The following ARHGDIB variants were observed in gnomAD, a reference collection of about 807,000 sequenced individuals.
ARHGDIB encodes the protein Rho GDP dissociation inhibitor beta.
Under a neutral mutation model 22.6 loss-of-function variants are expected in ARHGDIB, and 20 were observed. The ratio of observed to expected loss-of-function variants is 0.88; its 90% confidence interval spans 0.62 to 1.28. ARHGDIB has a LOEUF of 1.28. ARHGDIB is among the 50% of genes most tolerant of loss of function. The pLI, the probability that ARHGDIB is intolerant of heterozygous loss-of-function variation, is 0.00. For synonymous variants in ARHGDIB, 114 were observed against 96.1 expected, an observed-to-expected ratio of 1.19 and a Z score of -1.09; for missense variants, 254 against 245.4, an observed-to-expected ratio of 1.04 and a Z score of -0.23.
intron 1 of ARHGDIB, 85 bp from the exon 2 acceptor site, chr12:14,950,809 C>T: frequency 9.3e-7 from 1 of 1,073,374 alleles, no homozygotes; most frequent in Non-Finnish European, 1.3e-6. Context: ...GCCTCCTTAC[C>T]CTCATGGACT....
intron 1 of ARHGDIB, among the ~76,000 whole-genome samples, chr12:14,959,553 A>G (rs889168909): frequency 6.6e-6 from 1 of 152,138 alleles, no homozygotes; most frequent in Non-Finnish European, 1.5e-5. Flanking sequence ...CTCCTTTTCT[A>G]TCTGCATAAT....
chr12:14,944,782 C>T lies in ARHGDIB; in HGVS notation c.400G>A (p.Val134Met). The part of the protein sequence containing the change: ...KYVQHTYRTG[V>M]KVDKATFMVG... ...GAAATGTGGGTTCCCTTACCTTTCA[C>T]CCCAGTCCTGTAGGTGTGCTGAACG... The change falls in exon 5 of 6, where the codon GTG becomes ATG. Residue 134 changes from valine to methionine, a missense_variant. Val to Met is a conservative substitution (Grantham distance 21, BLOSUM62 1). Transcript: ENST00000228945. 6.2e-7 allele frequency: 1 copy of T among 1,613,148 alleles called. No individual in the cohort carries two copies.
At chr12:14,951,449 C>G (rs1375377511) in intron 1 of ARHGDIB, among the ~76,000 whole-genome samples, 1 of 152,190 alleles carries the variant, frequency 6.6e-6, no homozygotes. Context: ...GGTTTTATAT[C>G]TAAAGATATT....
chr12:14,952,602 C>A (rs58231089), intron 1 of ARHGDIB, among the ~76,000 whole-genome samples: 1 of 152,096 alleles, frequency 6.6e-6, no homozygotes, highest in Non-Finnish European at 1.5e-5. Flanking sequence ...AAGGAGGCAG[C>A]GTGTAGATGT....
At chr12:14,956,780 A>G (rs962106131) in intron 1 of ARHGDIB, among the ~76,000 whole-genome samples, 1 of 152,224 alleles carries the variant, frequency 6.6e-6, no homozygotes, top group Non-Finnish European at 1.5e-5. Flanking sequence ...TTTGCTACTC[A>G]GCAAAGCACT....
At chr12:14,957,281 T>C (rs144739298) in intron 1 of ARHGDIB, among the ~76,000 whole-genome samples, 18 of 152,318 alleles carry the variant, frequency 1.2e-4, no homozygotes, top group African/African-American at 3.8e-4. Flanking sequence ...TATAGGACTA[T>C]ACTGGTCAAG....
intron 4 of ARHGDIB, chr12:14,947,559 G>A (rs1332482890): frequency 8.1e-6 from 2 of 245,820 alleles, no homozygotes; most frequent in Non-Finnish European, 1.6e-5. Context: ...TATATTCTAT[G>A]AAGAAGAAAT....
At position 14,942,432 on chromosome 12, in the gene ARHGDIB, C is replaced by G; in HGVS notation, c.*90G>C. The G allele has an allele frequency of 7.1e-7, 1 of 1,401,344 alleles. No homozygotes were observed. Among genetic ancestry groups the G allele is most frequent in the Non-Finnish European group, 1.0e-6 (1 of 995,294 alleles). 86.8% of individuals were successfully genotyped at this position (1,401,344 alleles called of 1,614,324 possible). A position where few individuals can be genotyped will look rare whatever the true frequency, so the allele number is the denominator to read the frequency against. Reference sequence around the variant, plus strand: ...AAATGTGGCAGTGTTGAAGAGGGACCCAGCTGTGGACAGGGAGGAGGGACA... The same window carrying G: ...AAATGTGGCAGTGTTGAAGAGGGACGCAGCTGTGGACAGGGAGGAGGGACA... On this transcript the variant is annotated 3_prime_UTR_variant, in exon 6 of 6. Coordinates refer to ENST00000228945, the MANE Select transcript of ARHGDIB (RefSeq NM_001175.7).
At chr12:14,955,213 G>A (rs1448628150) in intron 1 of ARHGDIB, among the ~76,000 whole-genome samples, 2 of 152,146 alleles carry the variant, frequency 1.3e-5, no homozygotes, top group Non-Finnish European at 1.5e-5. Flanking sequence ...TTCAGTCATC[G>A]CAATGTTGTG....
At chr12:14,944,983 T>C in intron 4 of ARHGDIB, 144 bp from the exon 5 acceptor site, 1 of 604,736 alleles carries the variant, frequency 1.7e-6, no homozygotes, top group Non-Finnish European at 2.8e-6. Flanking sequence ...TCTATAATTA[T>C]TTAGCATGGC....
chr12:14,951,875 G>T (rs1864183919), intron 1 of ARHGDIB, among the ~76,000 whole-genome samples: 1 of 151,884 alleles, frequency 6.6e-6, no homozygotes, highest in Non-Finnish European at 1.5e-5. Flanking sequence ...TAAGAGAATT[G>T]CCCAGGTTCA....
chr12:14,947,192 T>G (rs1349197700), intron 4 of ARHGDIB, among the ~76,000 whole-genome samples: 1 of 152,186 alleles, frequency 6.6e-6, no homozygotes, highest in African/African-American at 2.4e-5. Flanking sequence ...ATTTCTAACT[T>G]ATTTGTTTTC....
intron 1 of ARHGDIB, among the ~76,000 whole-genome samples, chr12:14,958,348 A>C (rs772294680): frequency 6.6e-6 from 1 of 152,230 alleles, no homozygotes; most frequent in Non-Finnish European, 1.5e-5. Context: ...GAAAAACCAA[A>C]GACAAGATTA....
chr12:14,957,007 C>A (rs1280877067), intron 1 of ARHGDIB, among the ~76,000 whole-genome samples: 1 of 152,190 alleles, frequency 6.6e-6, no homozygotes, highest in East Asian at 1.9e-4. Context: ...TTCATTAATG[C>A]AGCTCTAAAT....
chr12:14,956,571 C>G (rs1864305269), intron 1 of ARHGDIB, among the ~76,000 whole-genome samples: 1 of 152,168 alleles, frequency 6.6e-6, no homozygotes, highest in South Asian at 2.1e-4. Context: ...TTATTTTTGA[C>G]TTTGGTCCTT....
At chr12:14,946,661 C>G (rs1216198708) in intron 4 of ARHGDIB, among the ~76,000 whole-genome samples, 3 of 152,156 alleles carry the variant, frequency 2.0e-5, no homozygotes, top group African/African-American at 7.2e-5. Context: ...ACCCACATAC[C>G]ACATTCCTCC....
chr12:14,960,057 C>G (rs555183013), intron 1 of ARHGDIB, among the ~76,000 whole-genome samples: 1 of 152,320 alleles, frequency 6.6e-6, no homozygotes, highest in South Asian at 2.1e-4. Context: ...CCATGGTCCT[C>G]TTGATCTCCT....
chr12:14,949,435 C>G (rs1031658543), intron 3 of ARHGDIB, among the ~76,000 whole-genome samples: 1 of 151,812 alleles, frequency 6.6e-6, no homozygotes, highest in Non-Finnish European at 1.5e-5. Flanking sequence ...GATAGAAGAT[C>G]AATACTTTGA....
chr12:14,943,742 G>T (rs1863939154), intron 5 of ARHGDIB, among the ~76,000 whole-genome samples: 1 of 152,064 alleles, frequency 6.6e-6, no homozygotes, highest in Non-Finnish European at 1.5e-5. Flanking sequence ...TGGTTAACTG[G>T]AATATATATT....
Sources: gnomAD v4.1 joint callset for allele counts (sites outside exome capture counted in the v4.1 genomes callset) on GRCh38, gnomAD v4.1.1 for gene constraint, MANE v1.5 for transcripts, NCBI Gene and HGNC (gene_info 2026-07-23, HGNC 2026-07-21) for gene names.